NLRP9: variants seen among roughly 807,000 people sequenced by gnomAD.
NLRP9 encodes the protein NLR family pyrin domain containing 9, also known as NACHT, LRR and PYD domains-containing protein 9.
NLRP9 carries 88 observed loss-of-function variants against 83.1 expected under a neutral mutation model. That is an observed-to-expected ratio of 1.06 (90% confidence interval 0.89 to 1.26). The LOEUF (loss-of-function observed/expected upper bound fraction) is 1.26. Among genes scored for constraint, NLRP9 ranks in the 50% most tolerant of loss-of-function variants. The probability of loss-of-function intolerance (pLI) is 0.00; values close to 1 mark genes in which losing one functional copy is unlikely to be tolerated. For synonymous variants in NLRP9, 521 were observed against 447.6 expected (o/e 1.16, Z -2.07); for missense variants, 1,308 against 1,179.3 (o/e 1.11, Z -1.60).
rs2122265957 is a variant in NLRP9 at position 55,708,747 on chromosome 19, C to T, written c.*165G>A. 3.9e-6 allele frequency: 2 copies of T among 506,456 alleles called. No individual in the cohort carries two copies. Among genetic ancestry groups the T allele is most frequent in the Non-Finnish European group, 7.0e-6 (2 of 285,600 alleles). The allele number at this position is 506,456 out of a possible 1,614,324, so 31.4% of individuals were successfully genotyped here. A position where few individuals can be genotyped will look rare whatever the true frequency, so the allele number is the denominator to read the frequency against. ...CCGAGGCAAAGACAATCAGCATGTA[C>T]ACTGAATCACACTCCATAATCATAT... On this transcript the variant is annotated 3_prime_UTR_variant, in exon 9 of 9. Coordinates refer to ENST00000332836, the MANE Select transcript of NLRP9 (RefSeq NM_176820.4).
In NLRP9 at chr19:55,721,807, G is replaced by A. The variant is rs145976234; in HGVS notation, c.2159+2173C>T. Among the ~76,000 whole-genome samples, 27 of 152,262 alleles carry A rather than the reference G, an allele frequency of 1.8e-4. 1 individual carries two copies. The East Asian group carries it at 5.2e-3, about 29-fold the overall frequency. The stretch of plus-strand genomic sequence containing the variant: ...GTGAATATGTTTCACAAGGTCTGAT[G>A]GTTTTATAAAGGGGAGTTTCCCTGC... On this transcript the variant is annotated intron_variant, in intron 4 of 8. Coordinates refer to ENST00000332836, the MANE Select transcript of NLRP9 (RefSeq NM_176820.4).
At position 55,732,458 on chromosome 19, in the gene NLRP9, A is replaced by C. The variant is rs1988606083; in HGVS notation, c.1373T>G (p.Leu458Trp). ...IQEFCAAMFYLLKRPKDDPNP... is the reference protein window; with the variant it reads ...IQEFCAAMFYWLKRPKDDPNP... ...AGGATCGTCTTTGGGTCGTTTGAGC[A>C]AATAAAACATGGCGGCACAAAACTC... The change falls in exon 2 of 9, where the codon TTG (leucine) becomes TGG (tryptophan). Residue 458 changes from leucine (L) to tryptophan (W), a missense_variant. Coordinates refer to ENST00000332836, the MANE Select transcript of NLRP9 (RefSeq NM_176820.4). 6.2e-7 allele frequency: 1 copy of C among 1,614,234 alleles called. No individual in the cohort carries two copies.
Position 55,720,968 on chromosome 19 carries a change from G to A in NLRP9, c.2159+3012C>T, listed in dbSNP as rs564552980. On this transcript the variant is annotated intron_variant, in intron 4 of 8. Coordinates refer to ENST00000332836, the MANE Select transcript of NLRP9 (RefSeq NM_176820.4). ...CAAATTAAAACCACTCAGATATTAT[G>A]CCCGAAGCAGAATGGATTTGAAAAG... Among the ~76,000 whole-genome samples the A allele has an allele frequency of 2.6e-5, 4 of 152,220 alleles. No individual in the cohort carries two copies. The East Asian group carries it at 7.7e-4, about 29-fold the overall frequency.
At position 55,732,660 on chromosome 19, in the gene NLRP9, G is replaced by A. The variant is rs1276133854; in HGVS notation, c.1171C>T (p.Arg391Ter). 3.1e-6 allele frequency: 5 copies of A among 1,613,958 alleles called. No individual in the cohort carries two copies. In the African/African-American group the frequency reaches 5.3e-5, roughly 17 times the overall value. Reference protein sequence around the residue: ...QSFPPKVNRARLKSLCALAAE... With the variant: ...QSFPPKVNRA ...GCCAAAGCACACAGGCTTTTTAGTC[G>A]GGCTCTGTTCACCTTAGGTGGAAAA... The change falls in exon 2 of 9, where the codon CGA (arginine) becomes TGA (stop). Residue 391 changes from arginine to a stop codon, truncating the protein, a stop_gained. Coordinates refer to ENST00000332836, the MANE Select transcript of NLRP9 (RefSeq NM_176820.4). LOFTEE classifies it high-confidence loss of function.
In NLRP9 at chr19:55,712,480, G is replaced by C; in HGVS notation, c.2612C>G (p.Thr871Ser). 5 of 1,612,772 alleles carry C rather than the reference G, an allele frequency of 3.1e-6. No homozygotes were observed. The highest frequency in any genetic ancestry group is 4.2e-6 in the Non-Finnish European group (5 of 1,179,790). The change falls in exon 7 of 9, where the codon ACT (threonine) becomes AGT (serine). Residue 871 changes from threonine (T) to serine (S), a missense_variant. Thr to Ser is a moderately conservative substitution (Grantham distance 58). Coordinates refer to ENST00000332836, the MANE Select transcript of NLRP9 (RefSeq NM_176820.4). ...LKLGHNEIGD[T>S]GVRQLCAALQ... ...AGCTGCACATAACTGTCTGACACCA[G>C]TGTCTCCTATTTCATTATGCCCAAG... is the stretch of plus-strand genomic sequence containing the variant.
Position 55,738,103 on chromosome 19 carries a change from T to C in NLRP9, c.272A>G (p.Glu91Gly). The change falls in exon 1 of 9, where the codon GAG becomes GGG. Residue 91 changes from glutamate (E) to glycine (G), a missense_variant. By Grantham distance (98) the Glu-to-Gly change is moderately conservative. Transcript: ENST00000332836. ...RKDLWTKAQE[E>G]MRNKLNPYRK... ...CATCATCCAGCACTTACTTCTCATC[T>C]CTTCCTGAGCCTTTGTCCAGAGATC... 7 of 1,614,118 alleles carry C rather than the reference T, an allele frequency of 4.3e-6. No individual in the cohort carries two copies. The highest frequency in any genetic ancestry group is 5.9e-6 in the Non-Finnish European group (7 of 1,179,986).
chr19:55,734,820 A>G (rs1308871222), intron 1 of NLRP9, among the ~76,000 whole-genome samples: 1 of 151,996 alleles, frequency 6.6e-6, no homozygotes, highest in African/African-American at 2.4e-5. Context: ...TTTTTCGTAG[A>G]TACAGGGTCT....
chr19:55,713,156 C>T (rs1201432481), intron 6 of NLRP9, among the ~76,000 whole-genome samples: 2 of 151,264 alleles, frequency 1.3e-5, no homozygotes, highest in African/African-American at 4.9e-5. Context: ...ATAGCTACCT[C>T]CTCCCCACCT....
intron 4 of NLRP9, among the ~76,000 whole-genome samples, chr19:55,723,493 A>G (rs922301645): frequency 1.3e-5 from 2 of 152,132 alleles, no homozygotes; most frequent in African/African-American, 4.8e-5. Flanking sequence ...TTAGGAGGTC[A>G]AGGCGGGCAG....
In NLRP9 at chr19:55,732,391, A is replaced by G. The variant is rs746456684; in HGVS notation, c.1440T>C (p.Ser480=). The stretch of plus-strand genomic sequence containing the variant: ...TCAAGAGGGTTTGAGGCTGAACCAC[A>G]CTTGCTCTTACAAGCTGGGTTATGC... The part of the protein sequence containing the change: ...IGSITQLVRA[S]VVQPQTLLTQ... Residue 480 remains serine (S), a synonymous_variant, in exon 2 of 9, where the codon AGT becomes AGC. Coordinates refer to ENST00000332836, the MANE Select transcript of NLRP9 (RefSeq NM_176820.4). 6.2e-7 allele frequency: 1 copy of G among 1,614,166 alleles called. No homozygotes were observed. Among genetic ancestry groups the G allele is most frequent in the Admixed American group, 1.7e-5 (1 of 60,014 alleles).
At chr19:55,709,531 A>C (rs1987616778) in intron 8 of NLRP9, 1 of 152,290 alleles carries the variant, frequency 6.6e-6, no homozygotes, top group Non-Finnish European at 1.5e-5. Context: ...CTACACCCAT[A>C]AATATGTCAA....
rs1988517869 is a variant in NLRP9, at chr19:55,729,831, A to G, written c.1994T>C (p.Ile665Thr). The change falls in exon 3 of 9, where the codon ATA (isoleucine) becomes ACA (threonine). Residue 665 changes from isoleucine to threonine, a missense_variant and splice_region_variant. Ile to Thr is a moderately conservative substitution (Grantham distance 89, BLOSUM62 -1). Transcript: ENST00000332836. ...AQPVCKLRKL[I>T]FTSVYFGHDS... ...AAGGACAGGTTAACATAAAACTTAC[A>G]TGAGTTTTCGGAGTTTACAAACAGG... The G allele has an allele frequency of 1.2e-6, 2 of 1,609,828 alleles. No homozygotes were observed. Among genetic ancestry groups the G allele is most frequent in the Non-Finnish European group, 1.7e-6 (2 of 1,178,196 alleles).
At position 55,733,306 on chromosome 19, in the gene NLRP9, C is replaced by G. The variant is rs140796774; in HGVS notation, c.525G>C (p.Trp175Cys). The stretch of plus-strand genomic sequence containing the variant: ...AAAACACAAATGTGAACCTGTCCTT[C>G]CATAAGTTTCCCTCTGCCCAGTCCA... ...VMLDWAEGNL[W>C]KDRFTFVFFL... is the part of the protein sequence containing the mutation. The change falls in exon 2 of 9, where the codon TGG becomes TGC. Residue 175 changes from tryptophan to cysteine, a missense_variant. Transcript: ENST00000332836. The G allele has an allele frequency of 2.5e-6, 4 of 1,613,968 alleles. No homozygotes were observed. In the African/African-American group the frequency reaches 5.3e-5, roughly 22 times the overall value.
At position 55,708,861 on chromosome 19, in the gene NLRP9, A is replaced by G. The variant is rs767197418; in HGVS notation, c.*51T>C. On this transcript the variant is annotated 3_prime_UTR_variant, in exon 9 of 9. Transcript: ENST00000332836. ...GATAGAGGTGCCAGGTGAAGGTCCCACTGTGGCCAAGGAAAGCCTTTGTGA... is the reference window on the plus strand; with the variant it reads ...GATAGAGGTGCCAGGTGAAGGTCCCGCTGTGGCCAAGGAAAGCCTTTGTGA... The G allele has an allele frequency of 7.1e-7, 1 of 1,408,742 alleles. No homozygotes were observed. Among genetic ancestry groups the G allele is most frequent in the Admixed American group, 2.7e-5 (1 of 36,852 alleles). 87.3% of individuals were successfully genotyped at this position (1,408,742 alleles called of 1,614,324 possible).
At chr19:55,713,094 G>A (rs1448631001) in intron 6 of NLRP9, among the ~76,000 whole-genome samples, 2 of 150,086 alleles carry the variant, frequency 1.3e-5, no homozygotes, top group African/African-American at 4.9e-5. Context: ...TTTCTCTGTG[G>A]CCTCTCCTCA....
At chr19:55,717,020 A>C in intron 4 of NLRP9, 122 bp from the exon 5 acceptor site, 2 of 622,116 alleles carry the variant, frequency 3.2e-6, no homozygotes, top group Non-Finnish European at 5.4e-6. Context: ...TATCTACACT[A>C]CAGACTCTTT....
chr19:55,710,507 G>T (rs1490027894), intron 8 of NLRP9, among the ~76,000 whole-genome samples: 1 of 152,128 alleles, frequency 6.6e-6, no homozygotes, highest in Non-Finnish European at 1.5e-5. Flanking sequence ...GTGGGGCCTG[G>T]TGGGAGGTGA....
intron 1 of NLRP9, chr19:55,737,286 G>C (rs943034177): frequency 3.3e-5 from 5 of 152,200 alleles, no homozygotes; most frequent in Non-Finnish European, 7.3e-5. Flanking sequence ...ATGCTTCCAG[G>C]ACGTGAGGAC....
At chr19:55,715,897 TTTTTG>T (rs1221108622) in intron 5 of NLRP9, among the ~76,000 whole-genome samples, 3 of 152,226 alleles carry the variant, frequency 2.0e-5, no homozygotes, top group African/African-American at 7.2e-5. Context: ...TGTAGAATAA[TTTTTG>T]TTTTGTTGTT....
Sources: allele counts gnomAD v4.1 joint callset (sites outside exome capture counted in the v4.1 genomes callset), GRCh38; gene constraint gnomAD v4.1.1; transcripts MANE v1.5; gene names NCBI Gene and HGNC (gene_info 2026-07-23, HGNC 2026-07-21).